The following PCSK9 variants were observed in gnomAD, a reference collection of about 807,000 sequenced individuals.
PCSK9 encodes proprotein convertase subtilisin/kexin type 9.
In PCSK9, 57 loss-of-function variants were observed where a neutral mutation model predicts 62.1. That is an observed-to-expected ratio of 0.92 (90% CI 0.74 to 1.14). PCSK9 has a LOEUF of 1.14. Among genes scored for constraint, PCSK9 ranks in the 50% most tolerant of loss-of-function variants. The pLI, the probability that PCSK9 is intolerant of heterozygous loss-of-function variation, is 0.00. For missense variants in PCSK9, 870 were observed against 959.8 expected, an observed-to-expected ratio of 0.91 and a Z score of 1.24; for synonymous variants, 387 against 409.4, an observed-to-expected ratio of 0.95 and a Z score of 0.66.
At chr1:55,050,806 TAC>T (rs1022422650) in intron 3 of PCSK9, 4 of 283,880 alleles carry the variant, frequency 1.4e-5, no homozygotes, top group African/African-American at 9.3e-5. Context: ...CCCCCACAGA[TAC>T]ACACACCCAG....
chr1:55,050,074 G>A (rs2100288939), intron 3 of PCSK9, among the ~76,000 whole-genome samples: 1 of 152,348 alleles, frequency 6.6e-6, no homozygotes, highest in South Asian at 2.1e-4. Flanking sequence ...GTCCAGGGAG[G>A]GAAGCAGCCT....
rs1380187795 is a variant in PCSK9 at position 55,040,372 on chromosome 1, G to C, written c.207+328G>C. 1.3e-5 allele frequency among the ~76,000 whole-genome samples: 2 copies of C among 152,228 alleles called. No homozygotes were observed. The highest frequency in any genetic ancestry group is 1.3e-4 in the Admixed American group (2 of 15,286). On this transcript the variant is annotated intron_variant, in intron 1 of 11. Transcript: ENST00000302118. The surrounding 1 kb of genome is among the most constrained non-coding windows in gnomAD (Gnocchi z 4.1). ...GAGCACTGCCAGGATATCCTGCCCA[G>C]ATTTCCCAGTTTCTGCCTCGCCGCG...
Position 55,040,835 on chromosome 1 carries a change from G to C in PCSK9, c.207+791G>C, listed in dbSNP as rs1046307748. Among the ~76,000 whole-genome samples the C allele has an allele frequency of 3.9e-5, 6 of 152,206 alleles. No homozygotes were observed. The highest frequency in any genetic ancestry group is 1.4e-4 in the African/African-American group (6 of 41,446). On this transcript the variant is annotated intron_variant, in intron 1 of 11. Coordinates refer to ENST00000302118, the MANE Select transcript of PCSK9 (RefSeq NM_174936.4). This position sits in a 1 kb window ranked among gnomAD's most constrained non-coding sequence, Gnocchi z 4.1. ...ACCTGGCTGTCTGCCGACCGTGTGC[G>C]GGGCGAGTTTGCTCAACAACTCTGC... is the stretch of plus-strand genomic sequence containing the variant.
chr1:55,047,462 G>A (rs1570296858), intron 3 of PCSK9, among the ~76,000 whole-genome samples: 5 of 152,180 alleles, frequency 3.3e-5, no homozygotes, highest in Non-Finnish European at 4.4e-5. Flanking sequence ...ACCGGTTCTC[G>A]TGGGATCTTG....
At chr1:55,044,719 G>A (rs915027347) in intron 2 of PCSK9, among the ~76,000 whole-genome samples, 1 of 152,188 alleles carries the variant, frequency 6.6e-6, no homozygotes, top group African/African-American at 2.4e-5. Flanking sequence ...GTGCTTCTTA[G>A]CCTCCTGCAG....
rs1285109933 is a variant in PCSK9 at position 55,040,558 on chromosome 1, G to A, written c.207+514G>A. On this transcript the variant is annotated intron_variant, in intron 1 of 11. Transcript: ENST00000302118. This position sits in a 1 kb window ranked among gnomAD's most constrained non-coding sequence, Gnocchi z 4.1. ...AGAAGGCCCTACCCGAGACAGGGGC[G>A]GGGTGGGAAGGACGGCAGATGCTGG... 1.3e-5 allele frequency among the ~76,000 whole-genome samples: 2 copies of A among 152,178 alleles called. No homozygotes were observed. The highest frequency in any genetic ancestry group is 2.4e-5 in the African/African-American group (1 of 41,458).
At position 55,040,697 on chromosome 1, in the gene PCSK9, G is replaced by T. The variant is rs1422481539; in HGVS notation, c.207+653G>T. Among the ~76,000 whole-genome samples, 2 of 152,206 alleles carry T rather than the reference G, an allele frequency of 1.3e-5. No individual in the cohort carries two copies. The highest frequency in any genetic ancestry group is 2.4e-5 in the African/African-American group (1 of 41,448). ...GGGGAGAAGGGGCGGAGGTATTCTC[G>T]AGGCCCATTGGCGTCCTTTAGGACT... is the stretch of plus-strand genomic sequence containing the variant. On this transcript the variant is annotated intron_variant, in intron 1 of 11. Coordinates refer to ENST00000302118, the MANE Select transcript of PCSK9 (RefSeq NM_174936.4). The surrounding 1 kb of genome is among the most constrained non-coding windows in gnomAD (Gnocchi z 4.1).
chr1:55,043,990 C>T lies in PCSK9; in HGVS notation c.355C>T (p.Leu119Phe). The change falls in exon 2 of 12, where the codon CTT becomes TTT. Residue 119 changes from leucine to phenylalanine, a missense_variant. Physicochemically the swap from Leu to Phe is conservative, Grantham distance 22. Coordinates refer to ENST00000302118, the MANE Select transcript of PCSK9 (RefSeq NM_174936.4). ...TKILHVFHGL[L>F]PGFLVKMSGD... Reference sequence around the variant, plus strand: ...GATCCTGCATGTCTTCCATGGCCTTCTTCCTGGCTTCCTGGTGAAGATGAG... The same window carrying T: ...GATCCTGCATGTCTTCCATGGCCTTTTTCCTGGCTTCCTGGTGAAGATGAG... The T allele has an allele frequency of 6.2e-7, 1 of 1,614,242 alleles. No homozygotes were observed. Among genetic ancestry groups the T allele is most frequent in the Non-Finnish European group, 8.5e-7 (1 of 1,180,046 alleles).
In PCSK9 at chr1:55,052,641, G is replaced by C; in HGVS notation, c.658-9G>C. On this transcript the variant is annotated splice_polypyrimidine_tract_variant and intron_variant, in intron 4 of 11. Transcript: ENST00000302118. ...TCTTTCTCATGTGGTCCTTGTGTTCGTCGAGCAGGCCAGCAAGTGTGACAG... is the reference window on the plus strand; with the variant it reads ...TCTTTCTCATGTGGTCCTTGTGTTCCTCGAGCAGGCCAGCAAGTGTGACAG... The C allele has an allele frequency of 6.2e-7, 1 of 1,612,722 alleles. No individual in the cohort carries two copies. Among genetic ancestry groups the C allele is most frequent in the South Asian group, 1.1e-5 (1 of 91,028 alleles).
At chr1:55,048,481 G>C (rs1644650832) in intron 3 of PCSK9, among the ~76,000 whole-genome samples, 1 of 152,206 alleles carries the variant, frequency 6.6e-6, no homozygotes, top group Non-Finnish European at 1.5e-5. Context: ...GATGCCCATG[G>C]ATTGCCCCCC....
intron 6 of PCSK9, among the ~76,000 whole-genome samples, chr1:55,056,641 T>C (rs1570305733): frequency 1.3e-5 from 2 of 152,126 alleles, no homozygotes; most frequent in African/African-American, 4.8e-5. Context: ...ATGGGAGCGG[T>C]TGAGGGCTCA....
At chr1:55,055,347 G>T (rs888255404) in intron 5 of PCSK9, among the ~76,000 whole-genome samples, 2 of 151,978 alleles carry the variant, frequency 1.3e-5, no homozygotes, top group East Asian at 3.9e-4. Flanking sequence ...GGGGAAGTGT[G>T]CCCTTCTCAT....
chr1:55,058,614 C>T lies in PCSK9; in HGVS notation c.1470C>T (p.Ser490=). Residue 490 remains serine (S), a synonymous_variant, in exon 9 of 12, where the codon TCC becomes TCT. Transcript: ENST00000302118. The part of the protein sequence containing the change: ...DEELLSCSSF[S]RSGKRRGERM... ...AGCTGCTGAGCTGCTCCAGTTTCTC[C>T]AGGAGTGGGAAGCGGCGGGGCGAGC... 6.2e-7 allele frequency: 1 copy of T among 1,611,676 alleles called. No homozygotes were observed. The highest frequency in any genetic ancestry group is 8.5e-7 in the Non-Finnish European group (1 of 1,179,972).
chr1:55,055,246 ACT>A (rs1169945744), intron 5 of PCSK9, among the ~76,000 whole-genome samples: 10 of 151,784 alleles, frequency 6.6e-5, no homozygotes, highest in Non-Finnish European at 1.5e-4. Flanking sequence ...GGCAGCCAAG[ACT>A]CTGTTCAAGT....
intron 3 of PCSK9, chr1:55,051,631 C>A (rs1178136562): frequency 1.8e-5 from 4 of 225,564 alleles, no homozygotes; most frequent in Middle Eastern, 1.7e-3. Context: ...CTTGGAGAAT[C>A]CAAACTGATC....
At chr1:55,041,148 C>CA (rs1644595836) in intron 1 of PCSK9, among the ~76,000 whole-genome samples, 1 of 152,194 alleles carries the variant, frequency 6.6e-6, no homozygotes, top group Admixed American at 6.5e-5. Context: ...AGTGAACTTA[C>CA]AATGCAAGCC....
At position 55,061,463 on chromosome 1, in the gene PCSK9, C is replaced by T; in HGVS notation, c.1770C>T (p.Gly590=). The change falls in exon 11 of 12, where the codon GGC becomes GGT. Residue 590 remains glycine, a synonymous_variant. Coordinates refer to ENST00000302118, the MANE Select transcript of PCSK9 (RefSeq NM_174936.4). ...RPRGQPNQCV[G]HREASIHASC... ...GAGGTCAGCCCAACCAGTGCGTGGG[C>T]CACAGGGAGGCCAGCATCCACGCTT... is the stretch of plus-strand genomic sequence containing the variant. 6.2e-7 allele frequency: 1 copy of T among 1,607,794 alleles called. No individual in the cohort carries two copies. The highest frequency in any genetic ancestry group is 8.5e-7 in the Non-Finnish European group (1 of 1,177,860).
chr1:55,060,161 T>C (rs1408760982), intron 10 of PCSK9, among the ~76,000 whole-genome samples: 1 of 152,262 alleles, frequency 6.6e-6, no homozygotes, highest in Non-Finnish European at 1.5e-5. Flanking sequence ...CTATCGTTAC[T>C]ATTGTTTTCA....
Position 55,046,524 on chromosome 1 carries a change from C to A in PCSK9, c.401C>A (p.Ala134Asp), listed in dbSNP as rs781466793. 13 of 1,614,184 alleles carry A rather than the reference C, an allele frequency of 8.1e-6. No individual in the cohort carries two copies. The highest frequency in any genetic ancestry group is 1.0e-5 in the Non-Finnish European group (12 of 1,180,034). The change falls in exon 3 of 12, where the codon GCC becomes GAC. Residue 134 changes from alanine (A) to aspartate (D), a missense_variant and splice_region_variant. Transcript: ENST00000302118. ...VKMSGDLLELALKLPHVDYIE... is the reference protein window; with the variant it reads ...VKMSGDLLELDLKLPHVDYIE... ...CCCCGGCCTCTCTGGCTTCTGCAGG[C>A]CTTGAAGTTGCCCCATGTCGACTAC... is the stretch of plus-strand genomic sequence containing the variant.
Sources: allele counts gnomAD v4.1 joint callset (sites outside exome capture counted in the v4.1 genomes callset), GRCh38; gene constraint gnomAD v4.1.1; non-coding constraint Gnocchi (gnomAD v3.1); transcripts MANE v1.5; gene names NCBI Gene and HGNC (gene_info 2026-07-23, HGNC 2026-07-21).